TCAIM: variants seen among roughly 807,000 people sequenced by gnomAD.
TCAIM encodes T-cell activation inhibitor, mitochondrial.
TCAIM carries 36 observed loss-of-function variants against 58.6 expected under a neutral mutation model. The observed-to-expected ratio is 0.61, with a 90% confidence interval of 0.47 to 0.81. TCAIM has a LOEUF of 0.81. Ranked by LOEUF, TCAIM falls within the 30% of genes least tolerant of loss-of-function variation. TCAIM has a pLI of 0.00. For missense variants in TCAIM, 466 were observed against 579.6 expected (o/e 0.80, Z 2.01); for synonymous variants, 172 against 193.6 (o/e 0.89, Z 0.93).
At chr3:44,393,157 AT>A (rs1701865936) in intron 6 of TCAIM, among the ~76,000 whole-genome samples, 180 bp downstream of exon 6, 2 of 152,172 alleles carry the variant, frequency 1.3e-5, no homozygotes, top group African/African-American at 4.8e-5. Flanking sequence ...TTAATTTCTT[AT>A]TTTAAATACT....
intron 7 of TCAIM, 120 bp downstream of exon 7, chr3:44,396,617 A>G: frequency 7.1e-7 from 1 of 1,407,414 alleles, no homozygotes; most frequent in South Asian, 1.3e-5. Context: ...CTTTGAATAA[A>G]GCAGTGGCAT....
Position 44,401,039 on chromosome 3 carries a change from T to C in TCAIM, c.1119-164T>C, listed in dbSNP as rs1468622603. 3.1e-6 allele frequency: 3 copies of C among 982,254 alleles called. No homozygotes were observed. In the African/African-American group the frequency reaches 4.9e-5, roughly 16 times the overall value. 60.8% of individuals were successfully genotyped at this position (982,254 alleles called of 1,614,324 possible). On this transcript the variant is annotated intron_variant, in intron 9 of 10. Transcript: ENST00000342649. ...AGTAGGTCGTGATCTTCTGAAGAAG[T>C]GTGTCTTTGGGGGCAGCAAAGCTTT... is the stretch of plus-strand genomic sequence containing the variant.
chr3:44,338,148 C>G (rs1285079095), upstream of TCAIM: 1 of 152,586 alleles, frequency 6.6e-6, no homozygotes, highest in Non-Finnish European at 1.5e-5. Context: ...CCCCTTCTTC[C>G]CCAAGATCCA....
rs150248323 is a variant in TCAIM at position 44,387,345 on chromosome 3, G to A, written c.573-5510G>A. Among the ~76,000 whole-genome samples the A allele has an allele frequency of 7.1e-3, 1,080 of 152,310 alleles. 9 individuals are homozygous for A. The highest frequency in any genetic ancestry group is 0.011 in the Non-Finnish European group (750 of 68,020). On this transcript the variant is annotated intron_variant, in intron 5 of 10. Coordinates refer to ENST00000342649, the MANE Select transcript of TCAIM (RefSeq NM_173826.4). The stretch of plus-strand genomic sequence containing the variant: ...TTCATTCTTCCTGGACATGGGACAA[G>A]AACTTGTGAACACCTAATGGTGGGA...
intron 1 of TCAIM, 106 bp downstream of exon 1, chr3:44,338,940 CTT>C (rs564090702): frequency 4.8e-4 from 73 of 152,334 alleles, no homozygotes; most frequent in African/African-American, 1.6e-3. Context: ...AAAGTGCTAA[CTT>C]TTGAATTGAG....
At chr3:44,393,132 G>A (rs1701865417) in intron 6 of TCAIM, among the ~76,000 whole-genome samples, 155 bp downstream of exon 6, 1 of 152,160 alleles carries the variant, frequency 6.6e-6, no homozygotes, top group African/African-American at 2.4e-5. Context: ...GTTCATCTGT[G>A]TAAGAAAACT....
At chr3:44,390,011 A>G (rs1023869529) in intron 5 of TCAIM, among the ~76,000 whole-genome samples, 2 of 152,066 alleles carry the variant, frequency 1.3e-5, no homozygotes, top group African/African-American at 4.8e-5. Context: ...ATCACATACT[A>G]CCTGTTCTAC....
rs980076853 is a variant in TCAIM at position 44,383,288 on chromosome 3, G to T, written c.573-9567G>T. On this transcript the variant is annotated intron_variant, in intron 5 of 10. Coordinates refer to ENST00000342649, the MANE Select transcript of TCAIM (RefSeq NM_173826.4). ...CAGCATTATTCACAATAGCCAAAAG[G>T]TGGAAGCAACCCAAGTGTCCATCAG... 2.5e-4 allele frequency among the ~76,000 whole-genome samples: 38 copies of T among 152,176 alleles called. 1 individual carries two copies. Among genetic ancestry groups the T allele is most frequent in the Admixed American group, 2.5e-3 (38 of 15,276 alleles).
At chr3:44,378,922 G>A (rs755573986) in intron 5 of TCAIM, among the ~76,000 whole-genome samples, 5 of 152,102 alleles carry the variant, frequency 3.3e-5, no homozygotes, top group Non-Finnish European at 5.9e-5. Context: ...ACTTTGGGAG[G>A]CCAAAGTGGG....
intron 5 of TCAIM, among the ~76,000 whole-genome samples, chr3:44,381,594 C>A (rs1400993623): frequency 6.6e-6 from 1 of 152,062 alleles, no homozygotes; most frequent in Non-Finnish European, 1.5e-5. Flanking sequence ...TGCCTACTTT[C>A]ACCACTTCTA....
Position 44,358,407 on chromosome 3 carries a change from T to A in TCAIM, c.165+531T>A, listed in dbSNP as rs1215095606. 1.1e-5 allele frequency: 7 copies of A among 618,466 alleles called. No homozygotes were observed. In the East Asian group the frequency reaches 1.9e-4, roughly 17 times the overall value. The allele number at this position is 618,466 out of a possible 1,614,324, so 38.3% of individuals were successfully genotyped here. On this transcript the variant is annotated intron_variant, in intron 3 of 10. Coordinates refer to ENST00000342649, the MANE Select transcript of TCAIM (RefSeq NM_173826.4). The stretch of plus-strand genomic sequence containing the variant: ...TAGAAAATACAGTCAGTCCTTCATA[T>A]CCATGGGTTTTACATCCATGGATTC...
At chr3:44,344,350 C>T (rs1308887242) in intron 1 of TCAIM, among the ~76,000 whole-genome samples, 12 of 152,178 alleles carry the variant, frequency 7.9e-5, no homozygotes, top group Admixed American at 7.2e-4. Context: ...CCATCTTACA[C>T]ACAACATACT....
chr3:44,381,730 ACT>A (rs897858327), intron 5 of TCAIM, among the ~76,000 whole-genome samples: 6 of 152,014 alleles, frequency 3.9e-5, no homozygotes, highest in Non-Finnish European at 7.4e-5. Flanking sequence ...TACATAGAAA[ACT>A]CTGCAGATTC....
intron 2 of TCAIM, among the ~76,000 whole-genome samples, chr3:44,357,397 G>GAGAT (rs1271822615): frequency 6.6e-6 from 1 of 151,708 alleles, no homozygotes; most frequent in Admixed American, 6.6e-5. Context: ...TATAGAAAGA[G>GAGAT]AATTACACTA....
At chr3:44,373,149 A>G (rs1450954689) in intron 5 of TCAIM, among the ~76,000 whole-genome samples, 1 of 152,064 alleles carries the variant, frequency 6.6e-6, no homozygotes, top group African/African-American at 2.4e-5. Context: ...ATTTTTTGAG[A>G]CAGGGTCTTG....
intron 2 of TCAIM, among the ~76,000 whole-genome samples, 182 bp from the exon 3 acceptor site, chr3:44,357,559 C>A (rs1349170075): frequency 6.6e-6 from 1 of 152,122 alleles, no homozygotes; most frequent in Non-Finnish European, 1.5e-5. Flanking sequence ...AAATTTATAA[C>A]CACTGTTTTA....
chr3:44,396,461 G>C lies in TCAIM; in HGVS notation c.757G>C (p.Ala253Pro). 6.2e-7 allele frequency: 1 copy of C among 1,613,464 alleles called. No individual in the cohort carries two copies. Among genetic ancestry groups the C allele is most frequent in the Non-Finnish European group, 8.5e-7 (1 of 1,179,950 alleles). Residue 253 changes from alanine to proline, a missense_variant, in exon 7 of 11, where the codon GCA (alanine) becomes CCA (proline). Ala to Pro is a conservative substitution (Grantham distance 27, BLOSUM62 -1). Coordinates refer to ENST00000342649, the MANE Select transcript of TCAIM (RefSeq NM_173826.4). ...CSQLHSLSRL[A>P]QQNLETLKKA... ...CCAGCTGCATAGTTTAAGCCGCTTA[G>C]CACAGCAGAATTTGGAAACACTTAA... is the stretch of plus-strand genomic sequence containing the variant.
intron 1 of TCAIM, chr3:44,339,553 A>T (rs1339161107): frequency 6.6e-6 from 1 of 152,228 alleles, no homozygotes; most frequent in Non-Finnish European, 1.5e-5. Context: ...CTCACTTAGA[A>T]CAGATTTTAG....
intron 1 of TCAIM, among the ~76,000 whole-genome samples, chr3:44,342,334 C>T (rs1338602578): frequency 6.6e-6 from 1 of 152,056 alleles, no homozygotes; most frequent in Middle Eastern, 3.2e-3. Flanking sequence ...CCTGGAAATC[C>T]TGACATGCTG....
Sources: gnomAD v4.1 joint callset for allele counts (sites outside exome capture counted in the v4.1 genomes callset) on GRCh38, gnomAD v4.1.1 for gene constraint, MANE v1.5 for transcripts, NCBI Gene and HGNC (gene_info 2026-07-23, HGNC 2026-07-21) for gene names.